KIF24: variants seen among roughly 807,000 people sequenced by gnomAD.
KIF24 encodes the protein kinesin family member 24, also known as kinesin-like protein KIF24.
In KIF24, 81 loss-of-function variants were observed where a neutral mutation model predicts 118.9. That is an observed-to-expected ratio of 0.68 (90% CI 0.57 to 0.82). The LOEUF (loss-of-function observed/expected upper bound fraction) is 0.82. Among genes scored for constraint, KIF24 ranks in the 40% least tolerant of loss-of-function variants. The pLI, the probability that KIF24 is intolerant of heterozygous loss-of-function variation, is 0.00. For synonymous variants in KIF24, 599 were observed against 610.0 expected (o/e 0.98, Z 0.27); for missense variants, 1,560 against 1,661.6 (o/e 0.94, Z 1.06).
chr9:34,292,473 C>T (rs372426303), intron 4 of KIF24, among the ~76,000 whole-genome samples: 3 of 152,092 alleles, frequency 2.0e-5, no homozygotes, highest in African/African-American at 4.8e-5. Context: ...CCTGGGCTTG[C>T]GTTCTTAACT....
chr9:34,262,729 C>T (rs1381599041), intron 9 of KIF24, among the ~76,000 whole-genome samples: 1 of 115,382 alleles, frequency 8.7e-6, no homozygotes, highest in African/African-American at 3.6e-5. Flanking sequence ...GGCATGATGG[C>T]ATATGCCTGT....
chr9:34,270,511 G>A lies in KIF24; in HGVS notation c.1338-1149C>T, dbSNP rs186960403. Among the ~76,000 whole-genome samples, 969 of 139,082 alleles carry A rather than the reference G, an allele frequency of 7.0e-3. 10 individuals carry two copies. Among genetic ancestry groups the A allele is most frequent in the African/African-American group, 0.025 (928 of 37,356 alleles). 91.2% of individuals were successfully genotyped at this position (139,082 alleles called of 152,430 possible). On this transcript the variant is annotated intron_variant, in intron 7 of 12. Coordinates refer to ENST00000402558, the MANE Select transcript of KIF24 (RefSeq NM_194313.4). ...AGCCTGGGCAATAGAGCGAGACTCC[G>A]TCTCAAAAAAAAAAAAAAAAGAAAA... is the stretch of plus-strand genomic sequence containing the variant.
chr9:34,308,871 G>A (rs1229639901), intron 2 of KIF24, among the ~76,000 whole-genome samples: 2 of 152,086 alleles, frequency 1.3e-5, no homozygotes, highest in African/African-American at 4.8e-5. Flanking sequence ...CTTGAGGCCA[G>A]GAGTTCAAGA....
chr9:34,271,701 C>T, intron 7 of KIF24, 108 bp downstream of exon 7: 2 of 1,169,478 alleles, frequency 1.7e-6, no homozygotes, highest in East Asian at 4.9e-5. Flanking sequence ...TGTATCCCTG[C>T]AATGAAGAAC....
intron 6 of KIF24, among the ~76,000 whole-genome samples, chr9:34,275,825 CGAGT>C (rs1232004577): frequency 6.6e-6 from 1 of 151,506 alleles, no homozygotes; most frequent in Non-Finnish European, 1.5e-5. Flanking sequence ...GGTGACAGAG[CGAGT>C]GTCTGTCTAA....
At chr9:34,288,002 C>T (rs961013278) in intron 5 of KIF24, among the ~76,000 whole-genome samples, 2 of 151,928 alleles carry the variant, frequency 1.3e-5, no homozygotes, top group African/African-American at 4.8e-5. Flanking sequence ...GAGCCCACCC[C>T]AGAAAGATTC....
Position 34,257,319 on chromosome 9 carries a change from T to A in KIF24, c.2288A>T (p.His763Leu). The change falls in exon 11 of 13, where the codon CAT (histidine) becomes CTT (leucine). Residue 763 changes from histidine to leucine, a missense_variant. Physicochemically the swap from His to Leu is moderately conservative, Grantham distance 99. Transcript: ENST00000402558. Reference protein sequence around the residue: ...IPPHQKEREEHLRFYHQQFQQ... With the variant: ...IPPHQKEREELLRFYHQQFQQ... Reference sequence around the variant, plus strand: ...GAACTGCTGGTGATAGAAACGCAGATGTTCCTCCCTCTCCTTCTGATGTGG... The same window carrying A: ...GAACTGCTGGTGATAGAAACGCAGAAGTTCCTCCCTCTCCTTCTGATGTGG... The A allele has an allele frequency of 2.5e-6, 4 of 1,614,078 alleles. No individual in the cohort carries two copies. Among genetic ancestry groups the A allele is most frequent in the Non-Finnish European group, 3.4e-6 (4 of 1,179,904 alleles).
In KIF24 at chr9:34,306,509, T is replaced by C. The variant is rs1836925304; in HGVS notation, c.624-68A>G. 3.6e-6 allele frequency: 4 copies of C among 1,124,356 alleles called. No homozygotes were observed. In the South Asian group the frequency reaches 4.8e-5, roughly 14 times the overall value. The allele number at this position is 1,124,356 out of a possible 1,614,324, so 69.6% of individuals were successfully genotyped here. A position where few individuals can be genotyped will look rare whatever the true frequency, so the allele number is the denominator to read the frequency against. On this transcript the variant is annotated intron_variant, in intron 2 of 12. Transcript: ENST00000402558. ...CAAGATTACTTAACAGGTCAAAGTA[T>C]TGGTACCTTTTAGCCGGGCGCGGTG...
intron 8 of KIF24, among the ~76,000 whole-genome samples, chr9:34,265,547 T>A (rs1330732967): frequency 6.6e-6 from 1 of 152,108 alleles, no homozygotes; most frequent in East Asian, 1.9e-4. Flanking sequence ...ACCAAACAAA[T>A]GAACCTAACA....
Position 34,257,974 on chromosome 9 carries a change from C to CT in KIF24, c.1632dup (p.Glu545ArgfsTer7), listed in dbSNP as rs1563934026. The CT allele has an allele frequency of 1.3e-6, 2 of 1,585,224 alleles. No homozygotes were observed. The highest frequency in any genetic ancestry group is 2.7e-5 in the African/African-American group (2 of 73,504). The stretch of plus-strand genomic sequence containing the variant: ...CAACACTTAATGCCTTTCTTTAGTT[C>CT]TTTGACCCTGTAAATAATCATTTTA... On this transcript the variant is annotated frameshift_variant, in exon 11 of 13. Transcript: ENST00000402558. LOFTEE classifies it high-confidence loss of function.
intron 7 of KIF24, among the ~76,000 whole-genome samples, chr9:34,271,316 G>A (rs1835494810): frequency 7.6e-6 from 1 of 130,848 alleles, no homozygotes; most frequent in South Asian, 2.6e-4. Context: ...TTTGCGGACA[G>A]CAATCCAGCA....
At chr9:34,288,876 AC>A (rs2131747078) in intron 5 of KIF24, among the ~76,000 whole-genome samples, 1 of 151,396 alleles carries the variant, frequency 6.6e-6, no homozygotes, top group South Asian at 2.1e-4. Flanking sequence ...ACACACACAC[AC>A]ACACACACAC....
intron 6 of KIF24, among the ~76,000 whole-genome samples, chr9:34,281,634 C>T (rs537945781): frequency 6.6e-6 from 1 of 152,274 alleles, no homozygotes; most frequent in South Asian, 2.1e-4. Flanking sequence ...AAAAGGAAGG[C>T]AGGAAAGATC....
At chr9:34,307,246 G>A (rs752203625) in intron 2 of KIF24, among the ~76,000 whole-genome samples, 3 of 151,966 alleles carry the variant, frequency 2.0e-5, no homozygotes, top group Non-Finnish European at 4.4e-5. Context: ...TGTAATTTTT[G>A]TAGGGACAGG....
intron 1 of KIF24, among the ~76,000 whole-genome samples, chr9:34,326,475 G>A (rs904539673): frequency 4.6e-5 from 7 of 152,178 alleles, no homozygotes; most frequent in Non-Finnish European, 8.8e-5. Flanking sequence ...AATCACTACC[G>A]AAGAATAAAG....
chr9:34,327,407 AC>A (rs1837703459), intron 1 of KIF24, among the ~76,000 whole-genome samples: 1 of 152,156 alleles, frequency 6.6e-6, no homozygotes, highest in South Asian at 2.1e-4. Context: ...AGAGGCTCAT[AC>A]CTTAGGTTGC....
chr9:34,288,026 TA>T (rs1394818931), intron 5 of KIF24, among the ~76,000 whole-genome samples: 3 of 151,992 alleles, frequency 2.0e-5, no homozygotes, highest in Admixed American at 2.0e-4. Context: ...ATGGACAGCC[TA>T]AAATGTACTT....
chr9:34,287,028 C>G (rs1836076980), intron 5 of KIF24, among the ~76,000 whole-genome samples: 2 of 152,196 alleles, frequency 1.3e-5, no homozygotes. Flanking sequence ...CTGGTCCAAT[C>G]AAAGTAAAGT....
chr9:34,274,903 A>G (rs999767109), intron 6 of KIF24, among the ~76,000 whole-genome samples: 1 of 150,514 alleles, frequency 6.6e-6, no homozygotes, highest in African/African-American at 2.5e-5. Flanking sequence ...TAGAAAGACA[A>G]ACATCACATG....
Sources: allele counts gnomAD v4.1 joint callset (sites outside exome capture counted in the v4.1 genomes callset), GRCh38; gene constraint gnomAD v4.1.1; transcripts MANE v1.5; gene names NCBI Gene and HGNC (gene_info 2026-07-23, HGNC 2026-07-21).